Variants in NR3C2 observed in about 807,000 individuals in gnomAD.
The protein encoded by NR3C2 is nuclear receptor subfamily 3 group C member 2, also known as mineralocorticoid receptor.
Under a neutral mutation model 86.4 loss-of-function variants are expected in NR3C2, and 15 were observed. That is an observed-to-expected ratio of 0.17 (90% CI 0.12 to 0.27). NR3C2 has a LOEUF of 0.27. Ranked by LOEUF, NR3C2 falls within the 10% of genes least tolerant of loss-of-function variation. NR3C2 has a pLI of 1.00. For synonymous variants in NR3C2, 458 were observed against 450.5 expected (o/e 1.02, Z -0.21); for missense variants, 960 against 1,195.6 (o/e 0.80, Z 2.91).
At chr4:148,424,161 G>C (rs894858290) in intron 2 of NR3C2, among the ~76,000 whole-genome samples, 1 of 152,172 alleles carries the variant, frequency 6.6e-6, no homozygotes, top group Non-Finnish European at 1.5e-5. Flanking sequence ...TGAAAGGGAG[G>C]CATATGAATG....
chr4:148,247,721 T>C (rs1739385090), intron 3 of NR3C2, among the ~76,000 whole-genome samples: 1 of 151,874 alleles, frequency 6.6e-6, no homozygotes, highest in South Asian at 2.1e-4. Context: ...TGAATGAATG[T>C]GCCTGGTTTC....
intron 2 of NR3C2, among the ~76,000 whole-genome samples, chr4:148,434,534 T>C (rs975445898): frequency 6.6e-6 from 1 of 152,160 alleles, no homozygotes; most frequent in Non-Finnish European, 1.5e-5. Context: ...CTCTCAACAG[T>C]TAAGGAAATG....
chr4:148,441,965 A>G (rs562066231), intron 1 of NR3C2, among the ~76,000 whole-genome samples, 195 bp downstream of exon 1: 120 of 152,364 alleles, frequency 7.9e-4, no homozygotes, highest in African/African-American at 2.6e-3. Context: ...AAAGTGGCCA[A>G]ACTTTCCCAA....
At position 148,260,005 on chromosome 4, in the gene NR3C2, T is replaced by C; in HGVS notation, c.1870A>G (p.Lys624Glu). 1 of 1,614,162 alleles carries C rather than the reference T, an allele frequency of 6.2e-7. No homozygotes were observed. Among genetic ancestry groups the C allele is most frequent in the Non-Finnish European group, 8.5e-7 (1 of 1,180,030 alleles). ...TCCACTGCTCTTTTGAAGAAAACTT[T>C]GCAGCTGCCACAGGTGACTACCCCA... is the stretch of plus-strand genomic sequence containing the variant. ...HYGVVTCGSC[K>E]VFFKRAVEGQ... The change falls in exon 3 of 9, where the codon AAA (lysine) becomes GAA (glutamate). Residue 624 changes from lysine to glutamate, a missense_variant. Coordinates refer to ENST00000358102, the MANE Select transcript of NR3C2 (RefSeq NM_000901.5).
chr4:148,168,825 T>A (rs1734994394), intron 4 of NR3C2, among the ~76,000 whole-genome samples: 1 of 152,206 alleles, frequency 6.6e-6, no homozygotes. Context: ...GGTGGCCAGC[T>A]CCTTAGCAGA....
At chr4:148,267,990 A>G (rs1312976024) in intron 2 of NR3C2, among the ~76,000 whole-genome samples, 3 of 133,444 alleles carry the variant, frequency 2.2e-5, no homozygotes, top group African/African-American at 8.7e-5. Flanking sequence ...CCCAGGCTGG[A>G]GTTCAGTGGC....
At chr4:148,396,967 C>T (rs1747890343) in intron 2 of NR3C2, among the ~76,000 whole-genome samples, 1 of 150,602 alleles carries the variant, frequency 6.6e-6, no homozygotes, top group African/African-American at 2.5e-5. Flanking sequence ...CCTTCTTTTT[C>T]ATGGATTATA....
intron 6 of NR3C2, among the ~76,000 whole-genome samples, chr4:148,140,296 G>C (rs970330497): frequency 7.9e-5 from 12 of 152,238 alleles, no homozygotes; most frequent in Non-Finnish European, 1.3e-4. Flanking sequence ...CTGAGCTCAG[G>C]AGTTCAATGT....
At chr4:148,168,219 G>A (rs957145884) in intron 4 of NR3C2, among the ~76,000 whole-genome samples, 28 of 152,210 alleles carry the variant, frequency 1.8e-4, no homozygotes, top group African/African-American at 6.8e-4. Context: ...ATGATGGAAA[G>A]TGTGTTTGAC....
chr4:148,371,570 C>T (rs897939081), intron 2 of NR3C2, among the ~76,000 whole-genome samples: 1 of 151,848 alleles, frequency 6.6e-6, no homozygotes, highest in African/African-American at 2.4e-5. Context: ...ACCTAGTGAC[C>T]TTGTGTGCAC....
rs187555228 is a variant in NR3C2, at chr4:148,130,855, G to A, written c.2511-10567C>T. On this transcript the variant is annotated intron_variant, in intron 6 of 8. Coordinates refer to ENST00000358102, the MANE Select transcript of NR3C2 (RefSeq NM_000901.5). ...TTTTTTTTTTTTGAGACAGAGTCTC[G>A]CTCTATCGCCCAGGCTGGAGTGCAG... Among the ~76,000 whole-genome samples, 852 of 126,442 alleles carry A rather than the reference G, an allele frequency of 6.7e-3. 14 individuals are homozygous for A. Among genetic ancestry groups the A allele is most frequent in the African/African-American group, 0.025 (792 of 31,492 alleles). 83.0% of individuals were successfully genotyped at this position (126,442 alleles called of 152,430 possible).
intron 2 of NR3C2, among the ~76,000 whole-genome samples, chr4:148,381,092 G>A (rs529855283): frequency 1.3e-5 from 2 of 152,150 alleles, no homozygotes; most frequent in African/African-American, 4.8e-5. Context: ...GCCAGGTATG[G>A]TTGCACACGC....
intron 1 of NR3C2, among the ~76,000 whole-genome samples, chr4:148,441,106 G>A (rs1051703938): frequency 3.9e-5 from 6 of 152,178 alleles, no homozygotes; most frequent in African/African-American, 1.4e-4. Flanking sequence ...ACCTGAGAGA[G>A]CGGGAGAACC....
intron 2 of NR3C2, among the ~76,000 whole-genome samples, chr4:148,283,365 T>G (rs1409335464): frequency 6.6e-6 from 1 of 152,160 alleles, no homozygotes; most frequent in South Asian, 2.1e-4. Flanking sequence ...TGATACCCAG[T>G]TACAACCCTC....
chr4:148,217,810 A>ACC (rs1737619375), intron 3 of NR3C2, among the ~76,000 whole-genome samples: 1 of 152,212 alleles, frequency 6.6e-6, no homozygotes, highest in African/African-American at 2.4e-5. Context: ...AGAGCTATAA[A>ACC]CTGAGAAGAC....
intron 3 of NR3C2, among the ~76,000 whole-genome samples, chr4:148,213,573 A>G (rs1297053765): frequency 1.3e-5 from 2 of 152,164 alleles, no homozygotes; most frequent in Admixed American, 1.3e-4. Context: ...TCCAAAGGCT[A>G]TGGTCTTTCA....
intron 2 of NR3C2, among the ~76,000 whole-genome samples, chr4:148,280,548 G>A (rs1741182010): frequency 6.6e-6 from 1 of 152,088 alleles, no homozygotes; most frequent in Non-Finnish European, 1.5e-5. Context: ...GCCCAGGCTG[G>A]AGTGCAGTGG....
chr4:148,186,996 G>GTGTATATATATATATATATA (rs1270300388), intron 4 of NR3C2, among the ~76,000 whole-genome samples: 1 of 27,200 alleles, frequency 3.7e-5, no homozygotes, highest in Non-Finnish European at 5.3e-5. Flanking sequence ...GTGTATGTAT[G>GTGTATATATATATATATATA]TATATATATA....
At chr4:148,242,385 T>C (rs1327471432) in intron 3 of NR3C2, among the ~76,000 whole-genome samples, 1 of 152,206 alleles carries the variant, frequency 6.6e-6, no homozygotes, top group Admixed American at 6.5e-5. Flanking sequence ...CTTAAAATAA[T>C]TTGACTCAGA....
Sources: gnomAD v4.1 joint callset for allele counts (sites outside exome capture counted in the v4.1 genomes callset) on GRCh38, gnomAD v4.1.1 for gene constraint, MANE v1.5 for transcripts, NCBI Gene and HGNC (gene_info 2026-07-23, HGNC 2026-07-21) for gene names.